The following HEMK2 variants were observed in gnomAD, a reference collection of about 807,000 sequenced individuals.
HEMK2 encodes HemK methyltransferase 2, ETF1 glutamine and histone H4 lysine.
the HEMK2 span, among the ~76,000 whole-genome samples, chr21:28,739,909 G>A: frequency 0.23 from 34,763 of 151,940 alleles, 4,611 homozygotes; most frequent in African/African-American, 0.35. Context: ...AATTTTTCCC[G>A]AAAGACCTCT....
the HEMK2 span, among the ~76,000 whole-genome samples, chr21:28,609,581 A>AGC: frequency 1.3e-5 from 2 of 150,878 alleles, no homozygotes; most frequent in African/African-American, 4.9e-5. Context: ...AAAAAAAAAA[A>AGC]AACAACAGAA....
chr21:28,776,686 G>T, the HEMK2 span, among the ~76,000 whole-genome samples: 1 of 152,220 alleles, frequency 6.6e-6, no homozygotes, highest in Admixed American at 6.5e-5. Flanking sequence ...CCTTCAGTCT[G>T]TGGCTAAAGG....
At chr21:28,793,706 A>G in the HEMK2 span, among the ~76,000 whole-genome samples, 1 of 152,156 alleles carries the variant, frequency 6.6e-6, no homozygotes, top group African/African-American at 2.4e-5. Flanking sequence ...TTATTATGTT[A>G]TGTTAAGAAT....
the HEMK2 span, among the ~76,000 whole-genome samples, chr21:28,715,407 T>C: frequency 6.6e-6 from 1 of 152,166 alleles, no homozygotes; most frequent in East Asian, 1.9e-4. Flanking sequence ...ATGTGGAGCA[T>C]TGTTTCATAT....
the HEMK2 span, among the ~76,000 whole-genome samples, chr21:28,827,661 T>G: frequency 6.6e-6 from 1 of 152,358 alleles, no homozygotes; most frequent in East Asian, 1.9e-4. Context: ...ACAGTCCACT[T>G]CATGTTCAAG....
At chr21:28,869,288 C>G in the HEMK2 span, among the ~76,000 whole-genome samples, 2 of 152,194 alleles carry the variant, frequency 1.3e-5, no homozygotes, top group Non-Finnish European at 2.9e-5. Flanking sequence ...TTCTATTAAA[C>G]CGTGGTTACA....
At chr21:28,714,653 T>G in the HEMK2 span, among the ~76,000 whole-genome samples, 3 of 152,214 alleles carry the variant, frequency 2.0e-5, no homozygotes, top group Admixed American at 2.0e-4. Context: ...TTTTAAAAAT[T>G]TAAACCTTTG....
At chr21:28,784,153 C>T in the HEMK2 span, among the ~76,000 whole-genome samples, 42 of 152,340 alleles carry the variant, frequency 2.8e-4, no homozygotes, top group East Asian at 2.3e-3. Flanking sequence ...GCACACAGCG[C>T]GGGACTGGCA....
At chr21:28,651,359 A>G in the HEMK2 span, among the ~76,000 whole-genome samples, 1 of 152,242 alleles carries the variant, frequency 6.6e-6, no homozygotes, top group Non-Finnish European at 1.5e-5. Flanking sequence ...ATTTAGAAGA[A>G]AAACTATAAA....
At chr21:28,863,291 C>T in the HEMK2 span, among the ~76,000 whole-genome samples, 3 of 151,146 alleles carry the variant, frequency 2.0e-5, no homozygotes, top group Admixed American at 6.6e-5. Context: ...TGCCCGTGAA[C>T]GCGGGACTCC....
At chr21:28,755,889 C>T in the HEMK2 span, among the ~76,000 whole-genome samples, 2 of 152,112 alleles carry the variant, frequency 1.3e-5, no homozygotes, top group Non-Finnish European at 2.9e-5. Context: ...TACCCTTATA[C>T]CTATATGCAC....
chr21:28,682,163 G>A, the HEMK2 span, among the ~76,000 whole-genome samples: 1 of 151,752 alleles, frequency 6.6e-6, no homozygotes, highest in Middle Eastern at 3.2e-3. Flanking sequence ...CTGACAAAGG[G>A]CTAATATCCA....
the HEMK2 span, among the ~76,000 whole-genome samples, chr21:28,826,758 A>G: frequency 3.9e-4 from 59 of 152,356 alleles, 1 homozygote; most frequent in South Asian, 8.3e-4. Flanking sequence ...CTGCTTATGT[A>G]GAAATAATCT....
At chr21:28,765,199 C>T in the HEMK2 span, among the ~76,000 whole-genome samples, 1 of 152,062 alleles carries the variant, frequency 6.6e-6, no homozygotes, top group South Asian at 2.1e-4. Context: ...TAACGTGCCA[C>T]AAGGAACTGA....
chr21:28,822,572 C>CAT, the HEMK2 span, among the ~76,000 whole-genome samples: 21,028 of 147,476 alleles, frequency 0.14, 1,496 homozygotes, highest in Admixed American at 0.18. Flanking sequence ...GGCTACAATG[C>CAT]ATATATATAT....
chr21:28,806,810 A>G, the HEMK2 span, among the ~76,000 whole-genome samples: 4 of 152,166 alleles, frequency 2.6e-5, no homozygotes, highest in Admixed American at 6.5e-5. Flanking sequence ...AAAAGCTAGG[A>G]AAGGACAAGG....
the HEMK2 span, among the ~76,000 whole-genome samples, chr21:28,776,634 C>CT: frequency 6.6e-6 from 1 of 152,222 alleles, no homozygotes; most frequent in African/African-American, 2.4e-5. Flanking sequence ...GGAAGCCAGT[C>CT]TGAGTCCCAA....
chr21:28,594,098 C>T, the HEMK2 span, among the ~76,000 whole-genome samples: 1 of 152,282 alleles, frequency 6.6e-6, no homozygotes, highest in East Asian at 1.9e-4. Context: ...TACCCAAAAC[C>T]TCTGTTTAAT....
the HEMK2 span, among the ~76,000 whole-genome samples, chr21:28,882,732 T>C: frequency 1.3e-5 from 2 of 152,242 alleles, no homozygotes; most frequent in African/African-American, 4.8e-5. Context: ...CAACTTTAAA[T>C]GTCTTATGAT....
Sources: allele counts gnomAD v4.1 joint callset (sites outside exome capture counted in the v4.1 genomes callset), GRCh38; gene constraint gnomAD v4.1.1; transcripts MANE v1.5; gene names NCBI Gene and HGNC (gene_info 2026-07-23, HGNC 2026-07-21).